AHCY: variants seen among roughly 807,000 people sequenced by gnomAD.
AHCY encodes S-adenosyl-L-homocysteine hydrolase.
Under a neutral mutation model 45.4 loss-of-function variants are expected in AHCY, and 24 were observed. The observed-to-expected ratio is 0.53, with a 90% CI of 0.38 to 0.74. The LOEUF is 0.74. Among genes scored for constraint, AHCY ranks in the 30% least tolerant of loss-of-function variants. AHCY has a pLI of 0.00. For missense variants in AHCY, 449 were observed against 594.1 expected (o/e 0.76, Z 2.54); for synonymous variants, 245 against 235.1 (o/e 1.04, Z -0.39).
chr20:34,237,506 C>A, the AHCY span, among the ~76,000 whole-genome samples: 4 of 152,086 alleles, frequency 2.6e-5, no homozygotes, highest in Non-Finnish European at 4.4e-5. Context: ...AACTTTGTAT[C>A]CTGCTACTTT....
intron 1 of AHCY, chr20:34,302,924 C>T: frequency 7.1e-6 from 7 of 985,430 alleles, no homozygotes; most frequent in Non-Finnish European, 8.4e-6. Context: ...GAGCAGGGTC[C>T]GGCAGGTGCC....
At position 34,292,511 on chromosome 20, in the gene AHCY, G is replaced by C. The variant is rs1379282213; in HGVS notation, c.296-4C>G. The C allele has an allele frequency of 6.2e-7, 1 of 1,613,950 alleles. No individual in the cohort carries two copies. The highest frequency in any genetic ancestry group is 1.7e-4 in the Middle Eastern group (1 of 5,866). On this transcript the variant is annotated splice_region_variant and splice_polypyrimidine_tract_variant and intron_variant, in intron 3 of 9. Coordinates refer to ENST00000217426, the MANE Select transcript of AHCY (RefSeq NM_000687.4). ...GTTTCGCCCTTCCAGGCATACACTG[G>C]AGGGTGAGTGGCACATCAGGGCCTG...
At chr20:34,273,219 AC>A in the AHCY span, among the ~76,000 whole-genome samples, 9 of 93,268 alleles carry the variant, frequency 9.6e-5, no homozygotes, top group African/African-American at 2.8e-4. Flanking sequence ...CCTTGTGGTG[AC>A]CCTTTTTTTT....
intron 4 of AHCY, among the ~76,000 whole-genome samples, chr20:34,291,775 C>T (rs527288682): frequency 1.3e-5 from 2 of 152,308 alleles, no homozygotes; most frequent in African/African-American, 2.4e-5. Flanking sequence ...TTCTCACTGC[C>T]GCTGCTCTAG....
downstream of AHCY, among the ~76,000 whole-genome samples, chr20:34,278,142 G>A (rs139906816): frequency 4.7e-4 from 72 of 152,334 alleles, no homozygotes; most frequent in African/African-American, 1.5e-3. Flanking sequence ...TACCCGGTCA[G>A]TGTCACACAT....
the AHCY span, among the ~76,000 whole-genome samples, chr20:34,253,266 C>G: frequency 6.6e-6 from 1 of 151,346 alleles, no homozygotes; most frequent in Non-Finnish European, 1.5e-5. Flanking sequence ...CCACCACGCC[C>G]GCCTAATTTT....
intron 3 of AHCY, 112 bp from the exon 4 acceptor site, chr20:34,292,619 CT>C: frequency 6.8e-7 from 1 of 1,476,622 alleles, no homozygotes; most frequent in South Asian, 1.2e-5. Context: ...CCCCAGCCAC[CT>C]CCGGCCCCTC....
the AHCY span, among the ~76,000 whole-genome samples, chr20:34,253,937 T>G: frequency 1.3e-5 from 2 of 152,354 alleles, no homozygotes; most frequent in African/African-American, 4.8e-5. Context: ...AAAGGAGAAC[T>G]GTCATCAGAG....
At chr20:34,276,681 C>T (rs2035912868), downstream of AHCY, among the ~76,000 whole-genome samples, 1 of 152,172 alleles carries the variant, frequency 6.6e-6, no homozygotes, top group Non-Finnish European at 1.5e-5. Context: ...AGTCTGAGTC[C>T]AAGCAGCCCA....
chr20:34,290,983 C>A lies in AHCY; in HGVS notation c.559-45G>T. On this transcript the variant is annotated intron_variant, in intron 5 of 9. Transcript: ENST00000217426. The surrounding 1 kb of genome is among the most constrained non-coding windows in gnomAD (Gnocchi z 4.5). Reference sequence around the variant, plus strand: ...GGAGACAATAGGGGCAGGCAAGGCCCTGGGGCCAGGACAACTTGGCCTCAG... The same window carrying A: ...GGAGACAATAGGGGCAGGCAAGGCCATGGGGCCAGGACAACTTGGCCTCAG... The A allele has an allele frequency of 1.3e-6, 2 of 1,598,792 alleles. No homozygotes were observed. The highest frequency in any genetic ancestry group is 1.7e-6 in the Non-Finnish European group (2 of 1,167,368).
chr20:34,235,571 T>A, the AHCY span, among the ~76,000 whole-genome samples: 2 of 152,080 alleles, frequency 1.3e-5, no homozygotes, highest in African/African-American at 4.8e-5. Context: ...GAAGTATATC[T>A]TTCTTAGCAC....
the AHCY span, among the ~76,000 whole-genome samples, chr20:34,274,844 T>C: frequency 6.6e-6 from 1 of 151,986 alleles, no homozygotes; most frequent in African/African-American, 2.4e-5. Flanking sequence ...GTCTGAGCTA[T>C]TTGGGAGGCT....
At chr20:34,261,601 T>C in the AHCY span, among the ~76,000 whole-genome samples, 2 of 151,886 alleles carry the variant, frequency 1.3e-5, no homozygotes, top group African/African-American at 4.8e-5. Flanking sequence ...GCCACTGCAC[T>C]CCAGCCTGAG....
At chr20:34,291,669 C>T (rs902949594) in intron 4 of AHCY, 138 bp from the exon 5 acceptor site, 7 of 797,956 alleles carry the variant, frequency 8.8e-6, no homozygotes, top group Middle Eastern at 4.5e-4. Flanking sequence ...CCCAATCACC[C>T]AGACCCGCGT....
intron 1 of AHCY, among the ~76,000 whole-genome samples, chr20:34,301,202 G>C (rs1287568602): frequency 6.6e-6 from 1 of 152,198 alleles, no homozygotes; most frequent in Non-Finnish European, 1.5e-5. Context: ...GGCAGGGCTA[G>C]AGCAGAGGCC....
chr20:34,297,312 G>C (rs1305196294), intron 1 of AHCY, among the ~76,000 whole-genome samples: 1 of 151,706 alleles, frequency 6.6e-6, no homozygotes, highest in Non-Finnish European at 1.5e-5. Context: ...TTATTTTAGA[G>C]ACATAGTCTG....
At chr20:34,240,460 T>G in the AHCY span, among the ~76,000 whole-genome samples, 104 of 152,362 alleles carry the variant, frequency 6.8e-4, no homozygotes, top group African/African-American at 2.4e-3. Flanking sequence ...ACCAACTAAG[T>G]AAGGAGAAGA....
At position 34,290,283 on chromosome 20, in the gene AHCY, C is replaced by T; in HGVS notation, c.972+49G>A. 2 of 1,573,216 alleles carry T rather than the reference C, an allele frequency of 1.3e-6. No individual in the cohort carries two copies. Among genetic ancestry groups the T allele is most frequent in the Non-Finnish European group, 1.7e-6 (2 of 1,145,746 alleles). ...CTCTCCTCCCTGGCAGCCAGCACTCCTCTGCACTCCCATCTGCCCAGCCCA... is the reference window on the plus strand; with the variant it reads ...CTCTCCTCCCTGGCAGCCAGCACTCTTCTGCACTCCCATCTGCCCAGCCCA... On this transcript the variant is annotated intron_variant, in intron 8 of 9. Coordinates refer to ENST00000217426, the MANE Select transcript of AHCY (RefSeq NM_000687.4). This position sits in a 1 kb window ranked among gnomAD's most constrained non-coding sequence, Gnocchi z 4.5.
At chr20:34,268,404 G>A in the AHCY span, among the ~76,000 whole-genome samples, 1 of 152,070 alleles carries the variant, frequency 6.6e-6, no homozygotes, top group Non-Finnish European at 1.5e-5. Context: ...GAAAGTTCAT[G>A]TTTCATTTTA....
Sources: gnomAD v4.1 joint callset for allele counts (sites outside exome capture counted in the v4.1 genomes callset) on GRCh38, gnomAD v4.1.1 for gene constraint, Gnocchi (gnomAD v3.1) non-coding constraint, MANE v1.5 for transcripts, NCBI Gene and HGNC (gene_info 2026-07-23, HGNC 2026-07-21) for gene names.